TERT: variants seen among roughly 807,000 people sequenced by gnomAD.
TERT encodes telomerase reverse transcriptase.
A neutral mutation model predicts 104.0 loss-of-function variants in TERT; 42 were observed. The observed-to-expected ratio is 0.40, with a 90% CI of 0.32 to 0.52. The LOEUF (loss-of-function observed/expected upper bound fraction) is 0.52. Among genes scored for constraint, TERT ranks in the 20% least tolerant of loss-of-function variants. The pLI, the probability that TERT is intolerant of heterozygous loss-of-function variation, is 0.43. For synonymous variants in TERT, 781 were observed against 725.6 expected, an observed-to-expected ratio of 1.08 and a Z score of -1.23; for missense variants, 1,101 against 1,610.3, an observed-to-expected ratio of 0.68 and a Z score of 5.41.
intron 9 of TERT, among the ~76,000 whole-genome samples, chr5:1,266,994 C>T (rs1010264374): frequency 7.2e-5 from 11 of 152,196 alleles, no homozygotes; most frequent in African/African-American, 9.7e-5. Context: ...ACCCTCAGGC[C>T]CAAGCCCAGC....
chr5:1,280,133 G>A lies in TERT; in HGVS notation c.1950+25C>T, dbSNP rs1749916691. On this transcript the variant is annotated intron_variant, in intron 4 of 15. Transcript: ENST00000310581. ...GCTCAAACGCACTTCTGTTTAAAAA[G>A]GAAGTTAAACCAAAGCACAGCCACC... The A allele has an allele frequency of 3.7e-6, 6 of 1,613,476 alleles. No homozygotes were observed. The African/African-American group carries it at 8.0e-5, about 22-fold the overall frequency.
At chr5:1,281,072 A>C (rs982139216) in intron 3 of TERT, among the ~76,000 whole-genome samples, 1 of 151,752 alleles carries the variant, frequency 6.6e-6, no homozygotes, top group African/African-American at 2.4e-5. Context: ...CCCCAGGCAG[A>C]ACAACAGTCC....
chr5:1,254,491 C>T lies in TERT; in HGVS notation c.3172G>A (p.Ala1058Thr). Residue 1058 changes from alanine (A) to threonine (T), a missense_variant, in exon 15 of 16, where the codon GCC becomes ACC. Around this residue, in one of 5 missense-constraint regions of TERT, gnomAD observed 463 missense variants for 797.5 expected, o/e 0.58. Transcript: ENST00000310581. ...KAKNAGMSLG[A>T]KGAAGPLPSE... ...GGCAGAGGGCCGGCGGCGCCCTTGGCCCCCAGCGACATCCCTGGGGGAAAA... is the reference window on the plus strand; with the variant it reads ...GGCAGAGGGCCGGCGGCGCCCTTGGTCCCCAGCGACATCCCTGGGGGAAAA... 1.2e-6 allele frequency: 2 copies of T among 1,612,208 alleles called. No individual in the cohort carries two copies. The highest frequency in any genetic ancestry group is 1.3e-5 in the African/African-American group (1 of 75,026).
intron 12 of TERT, 43 bp downstream of exon 12, chr5:1,260,431 C>G: frequency 6.2e-7 from 1 of 1,612,848 alleles, no homozygotes; most frequent in Non-Finnish European, 8.5e-7. Context: ...TGCGCACACA[C>G]CTCCTGAACT....
At chr5:1,260,698 T>G in intron 11 of TERT, 98 bp from the exon 12 acceptor site, 2 of 1,551,316 alleles carry the variant, frequency 1.3e-6, no homozygotes, top group Non-Finnish European at 1.7e-6. Context: ...TTCCTCCCGC[T>G]TCCTTGTCCT....
chr5:1,278,901 C>G, intron 5 of TERT, 105 bp from the exon 6 acceptor site: 1 of 1,482,792 alleles, frequency 6.7e-7, no homozygotes, highest in South Asian at 1.1e-5. Flanking sequence ...CTCTCTCTGA[C>G]CCCCACCACT....
intron 2 of TERT, among the ~76,000 whole-genome samples, chr5:1,289,706 C>G (rs1474533488): frequency 1.1e-4 from 12 of 107,426 alleles, no homozygotes; most frequent in African/African-American, 3.0e-4. Context: ...ACAGGGACAC[C>G]CGGGGACGGC....
chr5:1,280,212 C>T lies in TERT; in HGVS notation c.1896G>A (p.Pro632=), dbSNP rs140056333. 138 of 1,613,920 alleles carry T rather than the reference C, an allele frequency of 8.6e-5. No homozygotes were observed. Among genetic ancestry groups the T allele is most frequent in the Non-Finnish European group, 1.1e-4 (125 of 1,180,040 alleles). Residue 632 remains proline, a synonymous_variant, in exon 4 of 16, where the codon CCG becomes CCA. Coordinates refer to ENST00000310581, the MANE Select transcript of TERT (RefSeq NM_198253.3). ...RFIPKPDGLR[P]IVNMDYVVGA... is the part of the protein sequence containing the mutation. Reference sequence around the variant, plus strand: ...CCACGACGTAGTCCATGTTCACAATCGGCCGCAGCCCGTCAGGCTTGGGGA... The same window carrying T: ...CCACGACGTAGTCCATGTTCACAATTGGCCGCAGCCCGTCAGGCTTGGGGA...
chr5:1,264,395 T>C lies in TERT; in HGVS notation c.2843+9A>G, dbSNP rs1341325168. The C allele has an allele frequency of 3.1e-6, 5 of 1,608,896 alleles. No individual in the cohort carries two copies. Among genetic ancestry groups the C allele is most frequent in the Non-Finnish European group, 4.2e-6 (5 of 1,178,630 alleles). ...GGCACAGGCTCCACTTCCGGCCAGG[T>C]GCGCTCACCTGGAGTAGTCGCTCTG... is the stretch of plus-strand genomic sequence containing the variant. On this transcript the variant is annotated intron_variant, in intron 11 of 15. Transcript: ENST00000310581.
intron 2 of TERT, 68 bp from the exon 3 acceptor site, chr5:1,282,692 C>T: frequency 1.3e-6 from 2 of 1,518,600 alleles, no homozygotes; most frequent in East Asian, 2.3e-5. Flanking sequence ...GGACCTGCAC[C>T]ATCCGGACAC....
chr5:1,279,281 C>A lies in TERT; in HGVS notation c.2130+10G>T. On this transcript the variant is annotated intron_variant, in intron 5 of 15. Transcript: ENST00000310581. ...CAGCAGGGCTGCTCACGGGGGTCCCCGGCACCCACCTTGACAAAGTACAGC... is the reference window on the plus strand; with the variant it reads ...CAGCAGGGCTGCTCACGGGGGTCCCAGGCACCCACCTTGACAAAGTACAGC... 6.4e-7 allele frequency: 1 copy of A among 1,567,898 alleles called. No individual in the cohort carries two copies. Among genetic ancestry groups the A allele is most frequent in the Non-Finnish European group, 8.6e-7 (1 of 1,158,740 alleles).
intron 2 of TERT, among the ~76,000 whole-genome samples, chr5:1,283,905 A>C (rs1420361011): frequency 1.4e-5 from 2 of 143,450 alleles, no homozygotes. Context: ...TGGCGAACTC[A>C]CCCCGGACCT....
chr5:1,282,965 C>T (rs1256576389), intron 2 of TERT: 5 of 384,648 alleles, frequency 1.3e-5, no homozygotes, highest in African/African-American at 2.3e-5. Context: ...ACATACAGCC[C>T]ACCGCAGGGC....
In TERT at chr5:1,287,260, G is replaced by A. The variant is rs1254174110; in HGVS notation, c.1574-4636C>T. ...TCATGCCTGTAATTCAGCACTTTGG[G>A]AAGCCGAGGTAGATGGATCCCTTGA... On this transcript the variant is annotated intron_variant, in intron 2 of 15. Transcript: ENST00000310581. This position sits in a 1 kb window ranked among gnomAD's most constrained non-coding sequence, Gnocchi z 4.3. Among the ~76,000 whole-genome samples the A allele has an allele frequency of 2.0e-5, 3 of 152,080 alleles. No homozygotes were observed. Among genetic ancestry groups the A allele is most frequent in the African/African-American group, 7.2e-5 (3 of 41,416 alleles).
chr5:1,280,247 G>A lies in TERT; in HGVS notation c.1861C>T (p.Leu621Phe). 1 of 1,613,862 alleles carries A rather than the reference G, an allele frequency of 6.2e-7. No homozygotes were observed. Among genetic ancestry groups the A allele is most frequent in the Non-Finnish European group, 8.5e-7 (1 of 1,180,030 alleles). The change falls in exon 4 of 16, where the codon CTC (leucine) becomes TTC (phenylalanine). Residue 621 changes from leucine to phenylalanine, a missense_variant. Physicochemically the swap from Leu to Phe is conservative, Grantham distance 22. This residue lies in a region of TERT where 463 missense variants were observed against 797.5 expected (regional missense o/e 0.58). Transcript: ENST00000310581. Reference sequence around the variant, plus strand: ...CCGTCAGGCTTGGGGATGAAGCGGAGTCTGGACGTCAGCAGGGCGGGCCTG... The same window carrying A: ...CCGTCAGGCTTGGGGATGAAGCGGAATCTGGACGTCAGCAGGGCGGGCCTG... Reference protein sequence around the residue: ...EARPALLTSRLRFIPKPDGLR... With the variant: ...EARPALLTSRFRFIPKPDGLR...
At chr5:1,271,836 G>A (rs1164332059) in intron 7 of TERT, among the ~76,000 whole-genome samples, 2 of 152,182 alleles carry the variant, frequency 1.3e-5, no homozygotes, top group African/African-American at 2.4e-5. Flanking sequence ...GGCAGGACAC[G>A]GCTCAAACAT....
chr5:1,278,384 TG>T (rs1749760265), intron 6 of TERT, among the ~76,000 whole-genome samples: 1 of 151,718 alleles, frequency 6.6e-6, no homozygotes, highest in East Asian at 1.9e-4. Flanking sequence ...AACATGCACG[TG>T]TCACAGACAC....
chr5:1,284,267 A>T (rs1431953933), intron 2 of TERT, among the ~76,000 whole-genome samples: 148 of 35,372 alleles, frequency 4.2e-3, no homozygotes, highest in East Asian at 6.2e-3. Flanking sequence ...CCTGGCGACC[A>T]CACCCCAGAC....
rs1296480497 is a variant in TERT, at chr5:1,286,969, G to A, written c.1574-4345C>T. Among the ~76,000 whole-genome samples, 1 of 152,090 alleles carries A rather than the reference G, an allele frequency of 6.6e-6. No homozygotes were observed. Among genetic ancestry groups the A allele is most frequent in the African/African-American group, 2.4e-5 (1 of 41,404 alleles). ...AAATGCCCAGTGACCAGGAGGCAACGAGAGGATCAACACACACTCGGCAGG... is the reference window on the plus strand; with the variant it reads ...AAATGCCCAGTGACCAGGAGGCAACAAGAGGATCAACACACACTCGGCAGG... On this transcript the variant is annotated intron_variant, in intron 2 of 15. Transcript: ENST00000310581. This position sits in a 1 kb window ranked among gnomAD's most constrained non-coding sequence, Gnocchi z 5.3.
Sources: gnomAD v4.1 joint callset for allele counts (sites outside exome capture counted in the v4.1 genomes callset) on GRCh38, gnomAD v4.1.1 for gene constraint, gnomAD v4.1.1 regional missense constraint, Gnocchi (gnomAD v3.1) non-coding constraint, MANE v1.5 for transcripts, NCBI Gene and HGNC (gene_info 2026-07-23, HGNC 2026-07-21) for gene names.